DUSP11: variants seen among roughly 807,000 people sequenced by gnomAD.
DUSP11 encodes the protein RNA/RNP complex-1-interacting phosphatase.
Under a neutral mutation model 41.4 loss-of-function variants are expected in DUSP11, and 27 were observed. That is an observed-to-expected ratio of 0.65 (90% CI 0.48 to 0.90). The LOEUF (loss-of-function observed/expected upper bound fraction) is 0.90. Among genes scored for constraint, DUSP11 ranks in the 40% least tolerant of loss-of-function variants. The pLI, the probability that DUSP11 is intolerant of heterozygous loss-of-function variation, is 0.00. For synonymous variants in DUSP11, 188 were observed against 159.3 expected, an observed-to-expected ratio of 1.18 and a Z score of -1.35; for missense variants, 465 against 461.1, an observed-to-expected ratio of 1.01 and a Z score of -0.08.
chr2:73,775,955 C>T (rs908826038), intron 2 of DUSP11, among the ~76,000 whole-genome samples: 3 of 151,474 alleles, frequency 2.0e-5, no homozygotes, highest in African/African-American at 7.3e-5. Flanking sequence ...TCAAGCAACC[C>T]TCCTGTCTCG....
intron 4 of DUSP11, among the ~76,000 whole-genome samples, chr2:73,770,531 A>G (rs1044566620): frequency 2.6e-5 from 4 of 151,608 alleles, no homozygotes; most frequent in South Asian, 2.1e-4. Flanking sequence ...AAAAAAAAGA[A>G]AGAAAAAAGA....
exon 1 of DUSP11, chr2:73,780,127 G>A (rs2103955646): frequency 1.3e-6 from 2 of 1,553,542 alleles, no homozygotes; most frequent in Non-Finnish European, 1.7e-6. Context: ...TGCCACCGCC[G>A]GTCGTGATGG....
Position 73,766,405 on chromosome 2 carries a change from C to A in DUSP11, c.935+13G>T. On this transcript the variant is annotated intron_variant, in intron 8 of 8. Coordinates refer to ENST00000272444, the Ensembl canonical transcript of DUSP11. ...TATCTCAATTCTAGAAAAGGGAAAA[C>A]AGAGAGAGGTACCTGACTGATTGTT... 6.3e-7 allele frequency: 1 copy of A among 1,590,992 alleles called. No homozygotes were observed. Among genetic ancestry groups the A allele is most frequent in the African/African-American group, 1.4e-5 (1 of 73,586 alleles).
chr2:73,768,426 T>C (rs1672512040), intron 5 of DUSP11: 5 of 982,754 alleles, frequency 5.1e-6, no homozygotes, highest in South Asian at 9.4e-5. Context: ...GCTCAGGAGA[T>C]ATTTTCTGAA....
intron 5 of DUSP11, 26 bp from the exon 6 acceptor site, chr2:73,767,233 A>AT: frequency 6.3e-7 from 1 of 1,586,578 alleles, no homozygotes; most frequent in Non-Finnish European, 8.6e-7. Context: ...AATTTGGGTC[A>AT]TTTATATACG....
chr2:73,779,078 G>A (rs1672741785), intron 1 of DUSP11, among the ~76,000 whole-genome samples: 1 of 152,228 alleles, frequency 6.6e-6, no homozygotes, highest in Non-Finnish European at 1.5e-5. Flanking sequence ...TTGAATCCGG[G>A]AGGCGGAGGT....
At chr2:73,778,108 G>A (rs1026267740) in intron 2 of DUSP11, among the ~76,000 whole-genome samples, 193 bp downstream of exon 2, 3 of 151,446 alleles carry the variant, frequency 2.0e-5, no homozygotes, top group African/African-American at 7.3e-5. Flanking sequence ...TTATAGTTAG[G>A]GTGTTAATTG....
intron 8 of DUSP11, among the ~76,000 whole-genome samples, chr2:73,763,344 A>G (rs1441245951): frequency 6.6e-6 from 1 of 152,248 alleles, no homozygotes; most frequent in African/African-American, 2.4e-5. Context: ...AACTTTAAGC[A>G]TGGTATATGC....
At position 73,775,075 on chromosome 2, in the gene DUSP11, T is replaced by C. The variant is rs367593851; in HGVS notation, c.319-31A>G. Reference sequence around the variant, plus strand: ...ACAGAGAATGAAATAAGAGCAAATATGTGCTTAAAATCCTGTACTACATTA... The same window carrying C: ...ACAGAGAATGAAATAAGAGCAAATACGTGCTTAAAATCCTGTACTACATTA... On this transcript the variant is annotated intron_variant, in intron 2 of 8. Transcript: ENST00000272444. The C allele has an allele frequency of 9.1e-5, 146 of 1,595,630 alleles. No individual in the cohort carries two copies. In the Middle Eastern group the frequency reaches 1.3e-3, roughly 15 times the overall value.
chr2:73,778,360 G>A, exon 2 of DUSP11: 1 of 1,544,372 alleles, frequency 6.5e-7, no homozygotes, highest in South Asian at 1.2e-5. Flanking sequence ...TGTCCAACTG[G>A]GAGATAGTCT....
intron 4 of DUSP11, among the ~76,000 whole-genome samples, chr2:73,771,903 C>G (rs1419127881): frequency 2.1e-5 from 3 of 144,574 alleles, no homozygotes; most frequent in Admixed American, 2.1e-4. Context: ...TCACTGAAAG[C>G]TCCGCCTCCC....
chr2:73,775,732 G>A (rs554709221), intron 2 of DUSP11, among the ~76,000 whole-genome samples: 12 of 150,760 alleles, frequency 8.0e-5, no homozygotes, highest in Non-Finnish European at 1.6e-4. Context: ...GCAGGCGCCT[G>A]TAGTCCCAGC....
intron 4 of DUSP11, among the ~76,000 whole-genome samples, chr2:73,772,211 T>C (rs917441568): frequency 1.3e-5 from 2 of 152,234 alleles, no homozygotes; most frequent in Admixed American, 6.5e-5. Flanking sequence ...CTATCATCTC[T>C]GTGTCTTCAT....
At chr2:73,775,069 C>A (rs915646521) in intron 2 of DUSP11, 25 bp from the exon 3 acceptor site, 1 of 1,597,576 alleles carries the variant, frequency 6.3e-7, no homozygotes, top group African/African-American at 1.4e-5. Flanking sequence ...GAAATAAGAG[C>A]AAATATGTGC....
exon 4 of DUSP11, chr2:73,773,891 A>T (rs1237177308): frequency 6.2e-7 from 1 of 1,603,902 alleles, no homozygotes; most frequent in South Asian, 1.1e-5. Context: ...CAACTGTAAA[A>T]ATTTTTAAGT....
chr2:73,768,433 T>C (rs995356075), intron 5 of DUSP11: 1 of 984,076 alleles, frequency 1.0e-6, no homozygotes, highest in Non-Finnish European at 1.2e-6. Context: ...AGATATTTTC[T>C]GAATGAACAA....
chr2:73,775,471 T>C (rs908474756), intron 2 of DUSP11, among the ~76,000 whole-genome samples: 12 of 149,022 alleles, frequency 8.1e-5, no homozygotes, highest in African/African-American at 3.0e-4. Context: ...CTCCACCTCC[T>C]GGGCTCAAGC....
Position 73,768,467 on chromosome 2 carries a change from A to G in DUSP11, c.635+798T>C, listed in dbSNP as rs1349906363. On this transcript the variant is annotated intron_variant, in intron 5 of 8. Transcript: ENST00000272444. The stretch of plus-strand genomic sequence containing the variant: ...AAACATAACTCAGTACAGTGTGGCA[A>G]CATCCATAAAAAGCATAACGACACA... 1.4e-5 allele frequency: 14 copies of G among 985,412 alleles called. No individual in the cohort carries two copies. In the East Asian group the frequency reaches 1.4e-3, roughly 96 times the overall value. The allele number at this position is 985,412 out of a possible 1,614,324, so 61.0% of individuals were successfully genotyped here. A position where few individuals can be genotyped will look rare whatever the true frequency, so the allele number is the denominator to read the frequency against.
At chr2:73,772,462 A>G (rs939765204) in intron 4 of DUSP11, among the ~76,000 whole-genome samples, 12 of 152,212 alleles carry the variant, frequency 7.9e-5, no homozygotes, top group Non-Finnish European at 4.4e-5. Flanking sequence ...CAGAAGACCA[A>G]CATGGAGTTC....
Sources: allele counts gnomAD v4.1 joint callset (sites outside exome capture counted in the v4.1 genomes callset), GRCh38; gene constraint gnomAD v4.1.1; transcripts MANE v1.5; gene names NCBI Gene and HGNC (gene_info 2026-07-23, HGNC 2026-07-21).